TJP1: variants seen among roughly 807,000 people sequenced by gnomAD.
TJP1 encodes the protein tight junction protein 1.
TJP1 carries 43 observed loss-of-function variants against 194.2 expected under a neutral mutation model. The observed-to-expected ratio is 0.22, with a 90% CI of 0.17 to 0.29. The LOEUF is 0.29. Among genes scored for constraint, TJP1 ranks in the 10% least tolerant of loss-of-function variants. The pLI is 1.00. For missense variants in TJP1, 1,971 were observed against 2,185.7 expected (o/e 0.90, Z 1.96); for synonymous variants, 801 against 779.0 (o/e 1.03, Z -0.47).
At chr15:29,890,874 C>T (rs540405068) in intron 2 of TJP1, among the ~76,000 whole-genome samples, 3 of 152,106 alleles carry the variant, frequency 2.0e-5, no homozygotes, top group East Asian at 1.9e-4. Context: ...ACTCTGCCAG[C>T]GAGATGTCTA....
chr15:29,913,673 T>C (rs186902976), intron 2 of TJP1, among the ~76,000 whole-genome samples: 2 of 151,174 alleles, frequency 1.3e-5, no homozygotes, highest in African/African-American at 4.9e-5. Context: ...TGAGTGAGAG[T>C]GAGAGAGGGA....
intron 2 of TJP1, among the ~76,000 whole-genome samples, chr15:29,843,734 G>A (rs949763276): frequency 2.6e-5 from 4 of 152,200 alleles, no homozygotes; most frequent in African/African-American, 9.7e-5. Context: ...TGAAGAAAGT[G>A]AAGGAGGAGG....
upstream of TJP1, among the ~76,000 whole-genome samples, chr15:29,826,243 G>A (rs2050672293): frequency 6.6e-6 from 1 of 151,892 alleles, no homozygotes; most frequent in Non-Finnish European, 1.5e-5. Flanking sequence ...CCTCCTATGG[G>A]GCTACCCTTA....
rs2043741673 is a variant in TJP1, at chr15:29,732,648, C to G, written c.1904G>C (p.Arg635Thr). 1.2e-6 allele frequency: 2 copies of G among 1,613,914 alleles called. No homozygotes were observed. Among genetic ancestry groups the G allele is most frequent in the Admixed American group, 3.3e-5 (2 of 59,982 alleles). The change falls in exon 14 of 28, where the codon AGA (arginine) becomes ACA (threonine). Residue 635 changes from arginine (R) to threonine (T), a missense_variant. Coordinates refer to ENST00000614355, the MANE Select transcript of TJP1 (RefSeq NM_001330239.4). ...TAAACTACCTTCTCGAAGAACCACT[C>G]TTTCATAAGCTGGAAACTTTGTTTG... ...PVQTKFPAYE[R>T]VVLREAGFLR...
chr15:29,845,763 C>A (rs549488323), intron 2 of TJP1, among the ~76,000 whole-genome samples: 1 of 152,270 alleles, frequency 6.6e-6, no homozygotes, highest in African/African-American at 2.4e-5. Context: ...GATATAGCGC[C>A]ACTGCACTCC....
chr15:29,795,992 A>G (rs2048377993), intron 2 of TJP1, among the ~76,000 whole-genome samples: 1 of 152,172 alleles, frequency 6.6e-6, no homozygotes, highest in Admixed American at 6.5e-5. Context: ...AAACTAAGAT[A>G]AAAGGGAACT....
chr15:29,799,115 G>C (rs2048608873), intron 2 of TJP1, among the ~76,000 whole-genome samples: 1 of 151,138 alleles, frequency 6.6e-6, no homozygotes. Flanking sequence ...GAACTGTAAG[G>C]GTCAATTTCA....
intron 2 of TJP1, among the ~76,000 whole-genome samples, chr15:29,830,030 A>T (rs547310846): frequency 4.2e-4 from 63 of 151,266 alleles, no homozygotes; most frequent in African/African-American, 1.1e-3. Flanking sequence ...AATGAAATTT[A>T]AAAAAAAAGC....
intron 2 of TJP1, among the ~76,000 whole-genome samples, chr15:29,832,062 T>C (rs2050853926): frequency 1.3e-5 from 2 of 152,196 alleles, no homozygotes; most frequent in Admixed American, 6.5e-5. Context: ...ACATTATTCC[T>C]GTCCCTGTTT....
chr15:29,749,503 G>T (rs937937225), intron 8 of TJP1, among the ~76,000 whole-genome samples: 2 of 152,110 alleles, frequency 1.3e-5, no homozygotes, highest in Non-Finnish European at 2.9e-5. Flanking sequence ...CAGGGTCCTG[G>T]GGAGACGCTG....
At chr15:29,948,589 C>T (rs906140863) in intron 2 of TJP1, among the ~76,000 whole-genome samples, 1 of 152,144 alleles carries the variant, frequency 6.6e-6, no homozygotes, top group African/African-American at 2.4e-5. Flanking sequence ...CTGCCCCTGG[C>T]CTTTATCCTT....
chr15:29,770,432 T>TA (rs1193686036), intron 4 of TJP1, among the ~76,000 whole-genome samples: 3 of 130,726 alleles, frequency 2.3e-5, no homozygotes, highest in East Asian at 2.3e-4. Context: ...AACCGTGTCT[T>TA]AAAAAAACAC....
At chr15:29,826,202 A>C (rs8027827), upstream of TJP1, among the ~76,000 whole-genome samples, 114,666 of 151,706 alleles carry the variant, frequency 0.76, 44,280 homozygotes, top group East Asian at 0.86. Context: ...AATTCAATTC[A>C]GTATACAGAA....
chr15:29,897,774 G>A (rs976136827), intron 2 of TJP1, among the ~76,000 whole-genome samples: 2 of 152,166 alleles, frequency 1.3e-5, no homozygotes, highest in East Asian at 1.9e-4. Context: ...AGATTTGACT[G>A]CCCTGCTGGA....
At chr15:29,741,540 G>A (rs2044420402) in intron 9 of TJP1, 104 bp from the exon 10 acceptor site, 1 of 724,642 alleles carries the variant, frequency 1.4e-6, no homozygotes, top group Non-Finnish European at 2.4e-6. Context: ...ACCTGATGAG[G>A]AACATATCTA....
At chr15:29,911,838 A>G (rs1431859799) in intron 2 of TJP1, among the ~76,000 whole-genome samples, 3 of 152,226 alleles carry the variant, frequency 2.0e-5, no homozygotes, top group Non-Finnish European at 4.4e-5. Context: ...TGACTCAACT[A>G]AGACTCAGGC....
intron 2 of TJP1, among the ~76,000 whole-genome samples, chr15:29,836,274 C>CTT (rs1301707709): frequency 1.3e-4 from 18 of 143,574 alleles, no homozygotes; most frequent in East Asian, 2.0e-4. Flanking sequence ...GGATGATCAA[C>CTT]TTTTTTTTTT....
At chr15:29,883,435 G>T (rs2053009491) in intron 2 of TJP1, among the ~76,000 whole-genome samples, 1 of 152,174 alleles carries the variant, frequency 6.6e-6, no homozygotes, top group Admixed American at 6.5e-5. Context: ...TTGCTCCTCA[G>T]TTGGAGGTTA....
At chr15:29,962,360 T>C (rs2056192041) in intron 1 of TJP1, among the ~76,000 whole-genome samples, 1 of 152,236 alleles carries the variant, frequency 6.6e-6, no homozygotes, top group Non-Finnish European at 1.5e-5. Flanking sequence ...CAAGCTCATC[T>C]ACACCACCCA....
Sources: gnomAD v4.1 joint callset for allele counts (sites outside exome capture counted in the v4.1 genomes callset) on GRCh38, gnomAD v4.1.1 for gene constraint, MANE v1.5 for transcripts, NCBI Gene and HGNC (gene_info 2026-07-23, HGNC 2026-07-21) for gene names.